Variants in COX16 observed in about 807,000 individuals in gnomAD.
The protein encoded by COX16 is cytochrome c oxidase assembly protein COX16 homolog, mitochondrial.
In COX16, 12 loss-of-function variants were observed where a neutral mutation model predicts 15.4. The ratio of observed to expected loss-of-function variants is 0.78; its 90% CI spans 0.50 to 1.26. COX16 has a LOEUF of 1.26. Among genes scored for constraint, COX16 ranks in the 50% most tolerant of loss-of-function variants. COX16 has a pLI of 0.00. For missense variants in COX16, 124 were observed against 127.6 expected (o/e 0.97, Z 0.14); for synonymous variants, 46 against 41.1 (o/e 1.12, Z -0.46).
intron 2 of COX16, among the ~76,000 whole-genome samples, chr14:70,330,755 G>C (rs1886257244): frequency 1.3e-5 from 2 of 152,182 alleles, no homozygotes; most frequent in African/African-American, 2.4e-5. Context: ...TGACAAATTA[G>C]GCACAGAAGA....
intron 2 of COX16, among the ~76,000 whole-genome samples, chr14:70,335,019 T>G (rs1371490259): frequency 6.6e-6 from 1 of 152,078 alleles, no homozygotes; most frequent in African/African-American, 2.4e-5. Context: ...AGATATTCCA[T>G]GGAAATGAAA....
intron 1 of COX16, among the ~76,000 whole-genome samples, chr14:70,348,330 T>C (rs1406534979): frequency 6.6e-6 from 1 of 152,210 alleles, no homozygotes; most frequent in African/African-American, 2.4e-5. Context: ...GCTCTGTTCA[T>C]AGAAACCCCC....
At chr14:70,329,335 C>A in intron 2 of COX16, 99 bp from the exon 3 acceptor site, 66 of 923,956 alleles carry the variant, frequency 7.1e-5, no homozygotes, top group Non-Finnish European at 9.4e-5. Context: ...ATACTATAGC[C>A]AAATACAAAC....
chr14:70,355,068 A>G (rs1887086843), intron 1 of COX16, among the ~76,000 whole-genome samples: 1 of 152,022 alleles, frequency 6.6e-6, no homozygotes. Flanking sequence ...TTATTAACAA[A>G]CTTTCCTGGA....
intron 1 of COX16, among the ~76,000 whole-genome samples, chr14:70,353,297 A>C (rs902526851): frequency 2.0e-5 from 3 of 150,020 alleles, no homozygotes; most frequent in Non-Finnish European, 4.4e-5. Flanking sequence ...AAATCTAATT[A>C]GCTTTAATCC....
chr14:70,357,012 GA>G (rs1215653679), intron 1 of COX16, among the ~76,000 whole-genome samples: 2 of 151,832 alleles, frequency 1.3e-5, no homozygotes, highest in Non-Finnish European at 2.9e-5. Context: ...AGAGAGGTTG[GA>G]GCTCTTTAAA....
At chr14:70,326,655 A>G (rs1006251233) in intron 3 of COX16, among the ~76,000 whole-genome samples, 7 of 151,966 alleles carry the variant, frequency 4.6e-5, no homozygotes, top group Non-Finnish European at 8.8e-5. Context: ...GTTAATGCCT[A>G]TCTTACGCCA....
chr14:70,346,967 C>G (rs112264684), intron 1 of COX16, among the ~76,000 whole-genome samples: 7 of 152,220 alleles, frequency 4.6e-5, no homozygotes, highest in Non-Finnish European at 7.4e-5. Flanking sequence ...CTTTCTTCTA[C>G]TCCTCCAACC....
At chr14:70,355,630 C>T (rs1482331814) in intron 1 of COX16, among the ~76,000 whole-genome samples, 1 of 152,180 alleles carries the variant, frequency 6.6e-6, no homozygotes, top group African/African-American at 2.4e-5. Context: ...AACATGACGA[C>T]ATCCTGCTAA....
At chr14:70,343,192 T>C (rs1394309435) in intron 1 of COX16, among the ~76,000 whole-genome samples, 1 of 152,224 alleles carries the variant, frequency 6.6e-6, no homozygotes, top group African/African-American at 2.4e-5. Flanking sequence ...AGTAATGAAA[T>C]TGAAACCTGA....
chr14:70,335,981 G>A (rs530048850), intron 2 of COX16, among the ~76,000 whole-genome samples: 1 of 152,310 alleles, frequency 6.6e-6, no homozygotes, highest in Non-Finnish European at 1.5e-5. Context: ...GTAGGGCCAG[G>A]TGTGGTGGCT....
Position 70,348,048 on chromosome 14 carries a change from G to A in COX16, c.70-5319C>T, listed in dbSNP as rs200319934. Among the ~76,000 whole-genome samples the A allele has an allele frequency of 7.2e-5, 11 of 152,086 alleles. No individual in the cohort carries two copies. The East Asian group carries it at 1.2e-3, about 16-fold the overall frequency. Reference sequence around the variant, plus strand: ...CAAACCTTTCTCCCTCTATACCAACGAACGTGTAGAGTTGCACTAGGTGTT... The same window carrying A: ...CAAACCTTTCTCCCTCTATACCAACAAACGTGTAGAGTTGCACTAGGTGTT... On this transcript the variant is annotated intron_variant, in intron 1 of 3. Transcript: ENST00000389912.
intron 1 of COX16, chr14:70,359,138 C>A (rs1012744784): frequency 4.4e-6 from 2 of 459,268 alleles, no homozygotes; most frequent in Admixed American, 2.3e-5. Context: ...AAGTTGGGGG[C>A]GAGGAAGCAA....
At chr14:70,328,055 T>C (rs1314228039) in intron 3 of COX16, 6 of 146,824 alleles carry the variant, frequency 4.1e-5, no homozygotes, top group African/African-American at 1.5e-4. Context: ...GGAGTAAAAA[T>C]TATGCCTGAG....
chr14:70,352,889 A>G (rs1887003990), intron 1 of COX16, among the ~76,000 whole-genome samples: 1 of 152,128 alleles, frequency 6.6e-6, no homozygotes, highest in Non-Finnish European at 1.5e-5. Flanking sequence ...TTCTAAAGAA[A>G]AAAAGAAATC....
chr14:70,326,518 C>A, intron 3 of COX16, 69 bp from the exon 4 acceptor site: 1 of 1,237,260 alleles, frequency 8.1e-7, no homozygotes, highest in Non-Finnish European at 1.1e-6. Context: ...TAGGACACAA[C>A]TAACTCAATG....
At chr14:70,334,185 A>T (rs973534140) in intron 2 of COX16, among the ~76,000 whole-genome samples, 8 of 152,216 alleles carry the variant, frequency 5.3e-5, no homozygotes, top group African/African-American at 1.9e-4. Context: ...AAAACTATTA[A>T]AAATAGTAAC....
At chr14:70,350,085 TAGAC>T (rs987586916) in intron 1 of COX16, among the ~76,000 whole-genome samples, 1 of 152,190 alleles carries the variant, frequency 6.6e-6, no homozygotes, top group East Asian at 1.9e-4. Context: ...TATAACCAAA[TAGAC>T]AGGAATGTAA....
intron 1 of COX16, among the ~76,000 whole-genome samples, chr14:70,358,888 A>C (rs2140772841): frequency 6.6e-6 from 1 of 152,336 alleles, no homozygotes. Context: ...ATGAAACCAT[A>C]TAAACACGGA....
Sources: allele counts gnomAD v4.1 joint callset (sites outside exome capture counted in the v4.1 genomes callset), GRCh38; gene constraint gnomAD v4.1.1; transcripts MANE v1.5; gene names NCBI Gene and HGNC (gene_info 2026-07-23, HGNC 2026-07-21).